The following ESRRB variants were observed in gnomAD, a reference collection of about 807,000 sequenced individuals.
The protein encoded by ESRRB is estrogen related receptor beta.
Under a neutral mutation model 46.0 loss-of-function variants are expected in ESRRB, and 16 were observed. That is an observed-to-expected ratio of 0.35 (90% confidence interval 0.24 to 0.53). The LOEUF is 0.53. Among genes scored for constraint, ESRRB ranks in the 20% least tolerant of loss-of-function variants. The pLI is 0.93. For synonymous variants in ESRRB, 246 were observed against 259.6 expected (o/e 0.95, Z 0.50); for missense variants, 488 against 607.4 (o/e 0.80, Z 2.07).
At chr14:76,490,514 T>A (rs1374237913) in intron 5 of ESRRB, among the ~76,000 whole-genome samples, 1 of 152,230 alleles carries the variant, frequency 6.6e-6, no homozygotes, top group Non-Finnish European at 1.5e-5. Context: ...AAGTAGACCC[T>A]ACTATTATAC....
At chr14:76,492,318 T>G (rs1164891452) in intron 6 of ESRRB, among the ~76,000 whole-genome samples, 28 of 152,100 alleles carry the variant, frequency 1.8e-4, no homozygotes, top group Admixed American at 1.8e-3. Context: ...CATGTGCCAT[T>G]ATTCCGGCCA....
At chr14:76,384,272 A>G (rs548360851) in intron 1 of ESRRB, among the ~76,000 whole-genome samples, 2 of 152,306 alleles carry the variant, frequency 1.3e-5, no homozygotes, top group African/African-American at 4.8e-5. Context: ...CAGAAATAGT[A>G]GCAATTTTAA....
intron 1 of ESRRB, among the ~76,000 whole-genome samples, chr14:76,340,509 G>C (rs930946899): frequency 3.9e-5 from 6 of 152,134 alleles, no homozygotes; most frequent in Admixed American, 3.9e-4. Flanking sequence ...CTCTGGGCTC[G>C]GTTGACTTCA....
chr14:76,461,478 CTTTTGTTTTGTTTTGTTTTG>C (rs147348934), intron 2 of ESRRB, among the ~76,000 whole-genome samples: 2 of 150,314 alleles, frequency 1.3e-5, no homozygotes, highest in African/African-American at 4.9e-5. Context: ...GGTAGCCATT[CTTTTGTTTTGTTTTGTTTTG>C]TTTTGTTTTG....
At chr14:76,416,605 G>T (rs1470174229) in intron 1 of ESRRB, among the ~76,000 whole-genome samples, 1 of 151,978 alleles carries the variant, frequency 6.6e-6, no homozygotes, top group South Asian at 2.1e-4. Flanking sequence ...GAGTAGCTAG[G>T]ATTACAGATA....
rs1271465479 is a variant in ESRRB, at chr14:76,450,534, C to T, written c.460+10784C>T. Among the ~76,000 whole-genome samples the T allele has an allele frequency of 2.6e-5, 4 of 152,112 alleles. No individual in the cohort carries two copies. The South Asian group carries it at 6.2e-4, about 24-fold the overall frequency. On this transcript the variant is annotated intron_variant, in intron 2 of 6. Transcript: ENST00000644823. The stretch of plus-strand genomic sequence containing the variant: ...GCCACTGGGAGTCTTTTGAGCAATT[C>T]CTGGGTCTCTAACTTAAAACAAGAA...
intron 2 of ESRRB, among the ~76,000 whole-genome samples, chr14:76,458,277 A>G (rs1446210739): frequency 6.6e-6 from 1 of 152,144 alleles, no homozygotes; most frequent in African/African-American, 2.4e-5. Flanking sequence ...AGGAATTCTG[A>G]TGAATTAATC....
chr14:76,332,638 ATT>A lies in ESRRB; in HGVS notation c.2+21724_2+21725del, dbSNP rs1489591990. On this transcript the variant is annotated intron_variant, in intron 1 of 6. Transcript: ENST00000512784. The stretch of plus-strand genomic sequence containing the variant: ...TATTATATAAATATATATTATATAT[ATT>A]TATATATTATATAAATATATATTAT... Among the ~76,000 whole-genome samples, 64 of 45,492 alleles carry A rather than the reference ATT, an allele frequency of 1.4e-3. 1 individual carries two copies. The highest frequency in any genetic ancestry group is 0.015 in the Middle Eastern group (1 of 68). The allele number at this position is 45,492 out of a possible 152,430, so 29.8% of individuals were successfully genotyped here.
At chr14:76,343,599 C>A (rs911837198) in intron 1 of ESRRB, among the ~76,000 whole-genome samples, 1 of 152,204 alleles carries the variant, frequency 6.6e-6, no homozygotes, top group Admixed American at 6.5e-5. Flanking sequence ...GGAGCTCAGT[C>A]GAGGGGACTG....
chr14:76,363,048 C>T (rs1174368748), intron 1 of ESRRB, among the ~76,000 whole-genome samples: 1 of 152,208 alleles, frequency 6.6e-6, no homozygotes. Context: ...AAAGACCCAT[C>T]CTCTACCCTA....
intron 1 of ESRRB, among the ~76,000 whole-genome samples, chr14:76,312,562 T>C (rs753034311): frequency 3.0e-4 from 46 of 151,202 alleles, no homozygotes; most frequent in Admixed American, 1.7e-3. Context: ...TAAATGTCAC[T>C]ATTTAAGATC....
At chr14:76,489,912 A>G (rs889958564) in intron 5 of ESRRB, among the ~76,000 whole-genome samples, 2 of 152,130 alleles carry the variant, frequency 1.3e-5, no homozygotes, top group Non-Finnish European at 2.9e-5. Flanking sequence ...AACAACAACA[A>G]TATTTAGTAA....
chr14:76,391,431 G>A (rs1054240887), intron 1 of ESRRB, among the ~76,000 whole-genome samples: 1 of 152,258 alleles, frequency 6.6e-6, no homozygotes, highest in Non-Finnish European at 1.5e-5. Flanking sequence ...TGCACTACAA[G>A]CCCACAGACC....
intron 2 of ESRRB, among the ~76,000 whole-genome samples, chr14:76,448,031 G>C (rs1296244261): frequency 2.0e-5 from 3 of 152,140 alleles, no homozygotes; most frequent in Admixed American, 2.0e-4. Context: ...TGATTGCTCT[G>C]TTTTCTAGTT....
intron 2 of ESRRB, among the ~76,000 whole-genome samples, chr14:76,452,235 C>T (rs951962499): frequency 1.3e-5 from 2 of 152,148 alleles, no homozygotes; most frequent in South Asian, 2.1e-4. Context: ...CCATTACATC[C>T]GGCCACAGGA....
At chr14:76,449,714 C>G (rs1038540349) in intron 2 of ESRRB, among the ~76,000 whole-genome samples, 2 of 150,486 alleles carry the variant, frequency 1.3e-5, no homozygotes, top group African/African-American at 4.9e-5. Context: ...GATGTGAGAA[C>G]TTGTAAAGAC....
chr14:76,436,872 T>C (rs989887166), intron 1 of ESRRB, among the ~76,000 whole-genome samples: 5 of 152,174 alleles, frequency 3.3e-5, no homozygotes, highest in Admixed American at 1.3e-4. Flanking sequence ...AGTCTCTGTC[T>C]TCACACACTG....
intron 1 of ESRRB, among the ~76,000 whole-genome samples, chr14:76,437,701 A>C (rs9944056): frequency 1.3e-5 from 2 of 151,904 alleles, no homozygotes; most frequent in African/African-American, 4.8e-5. Context: ...CCACCCTCAG[A>C]CCCAATCCTG....
At chr14:76,327,879 A>AT (rs986548715) in intron 1 of ESRRB, among the ~76,000 whole-genome samples, 3,364 of 145,552 alleles carry the variant, frequency 0.023, 115 homozygotes, top group African/African-American at 0.078. Context: ...AATTTTCGTA[A>AT]TTTTTTTTTT....
Sources: allele counts gnomAD v4.1 joint callset (sites outside exome capture counted in the v4.1 genomes callset), GRCh38; gene constraint gnomAD v4.1.1; transcripts MANE v1.5; gene names NCBI Gene and HGNC (gene_info 2026-07-23, HGNC 2026-07-21).